Variants in TOPAZ1 observed in about 807,000 individuals in gnomAD.
The protein encoded by TOPAZ1 is testis and ovary specific TOPAZ 1, also known as protein TOPAZ1.
In TOPAZ1, 66 loss-of-function variants were observed where a neutral mutation model predicts 172.2. The observed-to-expected ratio is 0.38, with a 90% CI of 0.31 to 0.47. The LOEUF (loss-of-function observed/expected upper bound fraction) is 0.47. Ranked by LOEUF, TOPAZ1 falls within the 20% of genes least tolerant of loss-of-function variation. TOPAZ1 has a pLI of 0.99. For missense variants in TOPAZ1, 1,822 were observed against 1,972.4 expected (o/e 0.92, Z 1.44); for synonymous variants, 681 against 683.9 (o/e 1.00, Z 0.07).
In TOPAZ1 at chr3:44,243,544, G is replaced by A. The variant is rs755776423; in HGVS notation, c.1038G>A (p.Glu346=). ...AAAAAGCAGATGAAACAGTTACTGA[G>A]ATGAACTTCTCTAATGAGTATAACA... is the stretch of plus-strand genomic sequence containing the variant. ...LSEKADETVT[E]MNFSNEYNKS... The change falls in exon 2 of 20, where the codon GAG becomes GAA. Residue 346 remains glutamate, a synonymous_variant. Coordinates refer to ENST00000309765, the MANE Select transcript of TOPAZ1 (RefSeq NM_001145030.2). The A allele has an allele frequency of 2.4e-5, 38 of 1,551,328 alleles. No individual in the cohort carries two copies. In the East Asian group the frequency reaches 8.6e-4, roughly 35 times the overall value.
At chr3:44,318,169 C>T (rs531994330) in intron 16 of TOPAZ1, among the ~76,000 whole-genome samples, 64 of 151,698 alleles carry the variant, frequency 4.2e-4, no homozygotes, top group African/African-American at 1.4e-3. Context: ...TACTGAGGGG[C>T]GGGCATGGTG....
intron 16 of TOPAZ1, among the ~76,000 whole-genome samples, chr3:44,318,304 T>A (rs959143071): frequency 6.6e-6 from 1 of 151,938 alleles, no homozygotes; most frequent in East Asian, 1.9e-4. Flanking sequence ...ATACAAAAAT[T>A]AGCTGGGCGT....
At position 44,242,041 on chromosome 3, in the gene TOPAZ1, G is replaced by A. The variant is rs879782915; in HGVS notation, c.-13G>A. 2 of 1,539,080 alleles carry A rather than the reference G, an allele frequency of 1.3e-6. No individual in the cohort carries two copies. The highest frequency in any genetic ancestry group is 8.7e-7 in the Non-Finnish European group (1 of 1,145,326). ...TGGTGCAGAGGGGCCCCAGCGGGCCGGCCCCGGGGCACATGCGACGACCTC... is the reference window on the plus strand; with the variant it reads ...TGGTGCAGAGGGGCCCCAGCGGGCCAGCCCCGGGGCACATGCGACGACCTC... On this transcript the variant is annotated 5_prime_UTR_variant, in exon 1 of 20. Coordinates refer to ENST00000309765, the MANE Select transcript of TOPAZ1 (RefSeq NM_001145030.2).
chr3:44,285,538 T>C (rs1290922526), intron 9 of TOPAZ1, among the ~76,000 whole-genome samples: 1 of 148,898 alleles, frequency 6.7e-6, no homozygotes, highest in Non-Finnish European at 1.5e-5. Context: ...TCAGACAGTT[T>C]CCACCCAACA....
Position 44,243,104 on chromosome 3 carries a change from G to A in TOPAZ1, c.598G>A (p.Asp200Asn), listed in dbSNP as rs906046922. Residue 200 changes from aspartate to asparagine, a missense_variant, in exon 2 of 20, where the codon GAT becomes AAT. Asp to Asn is a conservative substitution (Grantham distance 23). Around this residue, in one of 2 missense-constraint regions of TOPAZ1, gnomAD observed 1,489 missense variants for 1,490.8 expected, o/e 1.00. Transcript: ENST00000309765. ...ACAAAATATTAAGGTTGAATTCCAAGATGAACTGTACAAGAATACTCCAAA... is the reference window on the plus strand; with the variant it reads ...ACAAAATATTAAGGTTGAATTCCAAAATGAACTGTACAAGAATACTCCAAA... The part of the protein sequence containing the change: ...ATQNIKVEFQ[D>N]ELYKNTPKYS... 25 of 1,548,648 alleles carry A rather than the reference G, an allele frequency of 1.6e-5. 1 individual carries two copies. In the African/African-American group the frequency reaches 3.0e-4, roughly 19 times the overall value.
At position 44,287,464 on chromosome 3, in the gene TOPAZ1, T is replaced by C; in HGVS notation, c.3512T>C (p.Leu1171Pro). ...YFDLQVLNDL[L>P]NSLLKHCLLK... is the part of the protein sequence containing the mutation. ...GATTTACAAGTGCTAAATGACCTTC[T>C]AAATTCTTTACTCAAACATTGTTTG... Residue 1171 changes from leucine to proline, a missense_variant, in exon 10 of 20, where the codon CTA (leucine) becomes CCA (proline). Physicochemically the swap from Leu to Pro is moderately conservative, Grantham distance 98. This residue lies in a region of TOPAZ1 where 1,489 missense variants were observed against 1,490.8 expected (regional missense o/e 1.00). Coordinates refer to ENST00000309765, the MANE Select transcript of TOPAZ1 (RefSeq NM_001145030.2). The C allele has an allele frequency of 6.5e-7, 1 of 1,531,504 alleles. No individual in the cohort carries two copies. Among genetic ancestry groups the C allele is most frequent in the Non-Finnish European group, 8.8e-7 (1 of 1,136,968 alleles). The allele number at this position is 1,531,504 out of a possible 1,614,324, so 94.9% of individuals were successfully genotyped here. A position where few individuals can be genotyped will look rare whatever the true frequency, so the allele number is the denominator to read the frequency against.
intron 8 of TOPAZ1, among the ~76,000 whole-genome samples, chr3:44,277,575 A>G (rs913107425): frequency 6.6e-6 from 1 of 152,136 alleles, no homozygotes; most frequent in African/African-American, 2.4e-5. Context: ...ATTCAGTATG[A>G]TGTTAGCTGC....
intron 14 of TOPAZ1, 29 bp downstream of exon 14, chr3:44,305,350 G>C: frequency 6.7e-7 from 1 of 1,495,902 alleles, no homozygotes; most frequent in South Asian, 1.3e-5. Context: ...CCTGAATATT[G>C]TGTATGAGGA....
intron 16 of TOPAZ1, among the ~76,000 whole-genome samples, chr3:44,315,206 TGTGTGTGTGTG>T (rs1700438571): frequency 2.2e-5 from 1 of 45,494 alleles, no homozygotes; most frequent in South Asian, 2.2e-3. Context: ...AGAACGTGTG[TGTGTGTGTGTG>T]TGTGTGTGTG....
rs544835841 is a variant in TOPAZ1, at chr3:44,279,659, G to A, written c.3373-2309G>A. On this transcript the variant is annotated intron_variant, in intron 8 of 19. Coordinates refer to ENST00000309765, the MANE Select transcript of TOPAZ1 (RefSeq NM_001145030.2). ...CTTGCTTTTGGCTTTTGTTTGCATG[G>A]AATATCTTTTTCCATCCCTTTACTT... Among the ~76,000 whole-genome samples, 9 of 152,110 alleles carry A rather than the reference G, an allele frequency of 5.9e-5. No homozygotes were observed. The East Asian group carries it at 7.7e-4, about 13-fold the overall frequency.
intron 3 of TOPAZ1, 111 bp from the exon 4 acceptor site, chr3:44,256,040 A>G (rs905654165): frequency 1.4e-6 from 1 of 722,784 alleles, no homozygotes; most frequent in Middle Eastern, 4.0e-4. Context: ...TATTTGTCAC[A>G]TTAGACCTTA....
intron 12 of TOPAZ1, among the ~76,000 whole-genome samples, chr3:44,299,959 G>GT (rs1337486406): frequency 7.4e-6 from 1 of 135,836 alleles, no homozygotes; most frequent in South Asian, 2.4e-4. Context: ...TTGTGGGGTG[G>GT]GGGGAGGGGG....
intron 9 of TOPAZ1, among the ~76,000 whole-genome samples, chr3:44,285,460 G>A (rs1446847951): frequency 4.6e-5 from 7 of 151,882 alleles, no homozygotes; most frequent in Non-Finnish European, 7.4e-5. Flanking sequence ...GAGCAAGACC[G>A]TGTCTCAAAA....
chr3:44,290,468 T>A (rs1401601923), intron 11 of TOPAZ1, among the ~76,000 whole-genome samples: 2 of 152,156 alleles, frequency 1.3e-5, no homozygotes, highest in Non-Finnish European at 2.9e-5. Flanking sequence ...AGGGATGAGG[T>A]ATGAATACCA....
At chr3:44,299,211 G>A (rs908518256) in intron 12 of TOPAZ1, among the ~76,000 whole-genome samples, 2 of 151,622 alleles carry the variant, frequency 1.3e-5, no homozygotes, top group African/African-American at 2.4e-5. Flanking sequence ...ATGAGCCACC[G>A]TGCCCAGCTG....
At chr3:44,252,868 GA>G (rs1699650567) in intron 2 of TOPAZ1, among the ~76,000 whole-genome samples, 1 of 152,136 alleles carries the variant, frequency 6.6e-6, no homozygotes, top group Non-Finnish European at 1.5e-5. Flanking sequence ...AGAACAACTA[GA>G]CATATATAAG....
chr3:44,292,772 T>C (rs1329138449), intron 12 of TOPAZ1, among the ~76,000 whole-genome samples: 1 of 152,226 alleles, frequency 6.6e-6, no homozygotes, highest in African/African-American at 2.4e-5. Context: ...CTCAAACATT[T>C]ATCATTTCTT....
intron 18 of TOPAZ1, among the ~76,000 whole-genome samples, chr3:44,325,434 C>T (rs1482166970): frequency 6.6e-6 from 1 of 152,070 alleles, no homozygotes; most frequent in Admixed American, 6.6e-5. Flanking sequence ...AGTCATGCAG[C>T]CATCACCACC....
chr3:44,322,343 T>G (rs1346705172), intron 17 of TOPAZ1, among the ~76,000 whole-genome samples: 1 of 152,198 alleles, frequency 6.6e-6, no homozygotes, highest in Non-Finnish European at 1.5e-5. Context: ...TGATTTGTTT[T>G]TAGTCAAGGG....
Sources: gnomAD v4.1 joint callset for allele counts (sites outside exome capture counted in the v4.1 genomes callset) on GRCh38, gnomAD v4.1.1 for gene constraint, gnomAD v4.1.1 regional missense constraint, MANE v1.5 for transcripts, NCBI Gene and HGNC (gene_info 2026-07-23, HGNC 2026-07-21) for gene names.